The following FOXK2 variants were observed in gnomAD, a reference collection of about 807,000 sequenced individuals.
The protein encoded by FOXK2 is forkhead box K2.
Under a neutral mutation model 53.3 loss-of-function variants are expected in FOXK2, and 24 were observed. That is an observed-to-expected ratio of 0.45 (90% CI 0.33 to 0.63). FOXK2 has a LOEUF of 0.63. FOXK2 is among the 30% of genes least tolerant of loss of function. The pLI is 0.03. For synonymous variants in FOXK2, 505 were observed against 407.1 expected, an observed-to-expected ratio of 1.24 and a Z score of -2.89; for missense variants, 952 against 910.5, an observed-to-expected ratio of 1.05 and a Z score of -0.59.
intron 1 of FOXK2, among the ~76,000 whole-genome samples, chr17:82,533,177 T>C (rs916349290): frequency 6.6e-6 from 1 of 152,212 alleles, no homozygotes; most frequent in African/African-American, 2.4e-5. Context: ...AGAAGCAGTA[T>C]ACTCTAAATT....
chr17:82,520,244 A>G lies in FOXK2; in HGVS notation c.356A>G (p.Asn119Ser). The part of the protein sequence containing the change: ...GDFYLRCLGK[N>S]GVFVDGVFQR... ...TTCTACCTGCGCTGCTTGGGCAAGA[A>G]CGGGGTATTCGTGGACGGCGTGTTC... Residue 119 changes from asparagine to serine, a missense_variant, in exon 1 of 9, where the codon AAC becomes AGC. Physicochemically the swap from Asn to Ser is conservative, Grantham distance 46. This residue lies in a region of FOXK2 where 76 missense variants were observed against 128.2 expected (regional missense o/e 0.59). Coordinates refer to ENST00000335255, the MANE Select transcript of FOXK2 (RefSeq NM_004514.4). 7.7e-7 allele frequency: 1 copy of G among 1,300,230 alleles called. No homozygotes were observed. Among genetic ancestry groups the G allele is most frequent in the Non-Finnish European group, 9.8e-7 (1 of 1,023,342 alleles). 80.5% of individuals were successfully genotyped at this position (1,300,230 alleles called of 1,614,324 possible).
chr17:82,545,519 C>A (rs79721677), intron 1 of FOXK2, among the ~76,000 whole-genome samples: 2,278 of 150,874 alleles, frequency 0.015, 30 homozygotes, highest in Middle Eastern at 0.038. Context: ...TTATTTGGGG[C>A]TATTATGAAT....
chr17:82,553,959 G>A lies in FOXK2; in HGVS notation c.420-9395G>A, dbSNP rs191884698. Among the ~76,000 whole-genome samples the A allele has an allele frequency of 3.7e-3, 557 of 152,112 alleles. 1 individual carries two copies. Among genetic ancestry groups the A allele is most frequent in the Admixed American group, 6.7e-3 (102 of 15,256 alleles). ...TGCCATTCTCCTGCCTCAGTCTCCC[G>A]AGTATTTGGGACTACAGGCGCCCAC... is the stretch of plus-strand genomic sequence containing the variant. On this transcript the variant is annotated intron_variant, in intron 1 of 8. Transcript: ENST00000335255.
rs185566587 is a variant in FOXK2 at position 82,537,250 on chromosome 17, A to G, written c.419+16943A>G. On this transcript the variant is annotated intron_variant, in intron 1 of 8. Coordinates refer to ENST00000335255, the MANE Select transcript of FOXK2 (RefSeq NM_004514.4). The stretch of plus-strand genomic sequence containing the variant: ...TTGACTGAATTGGTATGATGCTTAT[A>G]GTCTTTCTTAAATGATTAAAGTTTA... Among the ~76,000 whole-genome samples, 11 of 152,318 alleles carry G rather than the reference A, an allele frequency of 7.2e-5. No homozygotes were observed. In the East Asian group the frequency reaches 1.9e-3, roughly 27 times the overall value.
chr17:82,544,623 T>G (rs1029192349), intron 1 of FOXK2, among the ~76,000 whole-genome samples: 2 of 152,214 alleles, frequency 1.3e-5, no homozygotes, highest in Non-Finnish European at 2.9e-5. Flanking sequence ...AGGGTATAAT[T>G]AGTTCTTTCT....
intron 1 of FOXK2, among the ~76,000 whole-genome samples, chr17:82,522,770 A>G (rs2044376725): frequency 2.0e-5 from 3 of 152,070 alleles, no homozygotes. Context: ...CATGGAGATA[A>G]GTTGACCTTT....
intron 8 of FOXK2, chr17:82,593,625 A>T (rs1215840407): frequency 6.6e-6 from 1 of 152,434 alleles, no homozygotes; most frequent in Non-Finnish European, 1.5e-5. Context: ...GGACCCTTGC[A>T]GAGGGAGCAG....
rs79666141 is a variant in FOXK2, at chr17:82,544,743, C to T, written c.420-18611C>T. The stretch of plus-strand genomic sequence containing the variant: ...TTGTGGACCTTTATGGGGCATAGAG[C>T]GACTCCAGGCAAGTCGCTGTGGGAG... On this transcript the variant is annotated intron_variant, in intron 1 of 8. Coordinates refer to ENST00000335255, the MANE Select transcript of FOXK2 (RefSeq NM_004514.4). 1.1e-4 allele frequency among the ~76,000 whole-genome samples: 17 copies of T among 152,172 alleles called. No individual in the cohort carries two copies. The East Asian group carries it at 2.7e-3, about 24-fold the overall frequency.
intron 1 of FOXK2, among the ~76,000 whole-genome samples, chr17:82,554,373 G>A (rs574400960): frequency 2.0e-5 from 3 of 152,280 alleles, no homozygotes; most frequent in Middle Eastern, 3.4e-3. Flanking sequence ...TCGTGAGTCT[G>A]TTAATTCATA....
chr17:82,558,872 G>A (rs781021944), intron 1 of FOXK2, among the ~76,000 whole-genome samples: 11 of 151,834 alleles, frequency 7.2e-5, no homozygotes, highest in Non-Finnish European at 1.3e-4. Flanking sequence ...TCAGCCTCCC[G>A]AGTAGCTGGG....
chr17:82,601,507 G>A lies in FOXK2; in HGVS notation c.*8G>A. On this transcript the variant is annotated 3_prime_UTR_variant, in exon 9 of 9. Transcript: ENST00000335255. ...AAGGGTGTCCAGAACTAGCGACCGG[G>A]AGAGCTTTTCTTTAACGATATCAAC... 3 of 1,593,686 alleles carry A rather than the reference G, an allele frequency of 1.9e-6. No individual in the cohort carries two copies. The highest frequency in any genetic ancestry group is 2.6e-6 in the Non-Finnish European group (3 of 1,167,888).
intron 1 of FOXK2, among the ~76,000 whole-genome samples, chr17:82,544,205 G>A (rs1351032090): frequency 2.0e-5 from 3 of 152,134 alleles, no homozygotes; most frequent in Non-Finnish European, 2.9e-5. Flanking sequence ...GAGCCACTGC[G>A]CCCGGCCAAG....
rs766118578 is a variant in FOXK2, at chr17:82,587,243, C to G, written c.1757C>G (p.Pro586Arg). Reference protein sequence around the residue: ...TQNGTHVASVPTAVHGQVNNA... With the variant: ...TQNGTHVASVRTAVHGQVNNA... ...AACGGCACTCACGTGGCATCAGTCC[C>G]CACTGCGGTCCACGGCCAGGTGAAC... The change falls in exon 8 of 9, where the codon CCC becomes CGC. Residue 586 changes from proline to arginine, a missense_variant. By Grantham distance (103) the Pro-to-Arg change is moderately radical (BLOSUM62 -2). Transcript: ENST00000335255. The G allele has an allele frequency of 6.2e-7, 1 of 1,612,946 alleles. No homozygotes were observed. Among genetic ancestry groups the G allele is most frequent in the South Asian group, 1.1e-5 (1 of 91,074 alleles).
At chr17:82,563,022 G>C (rs944262287) in intron 1 of FOXK2, among the ~76,000 whole-genome samples, 2 of 152,034 alleles carry the variant, frequency 1.3e-5, no homozygotes, top group African/African-American at 4.8e-5. Context: ...GCCCAGGCTG[G>C]TCTTGACCTC....
intron 1 of FOXK2, chr17:82,559,623 C>G (rs759653609): frequency 5.0e-6 from 2 of 399,870 alleles, no homozygotes; most frequent in African/African-American, 2.0e-5. Flanking sequence ...GGCTGGTCTT[C>G]CTTGTTGTCC....
intron 1 of FOXK2, among the ~76,000 whole-genome samples, chr17:82,553,982 C>T (rs915578982): frequency 2.6e-5 from 4 of 152,108 alleles, no homozygotes; most frequent in African/African-American, 9.7e-5. Context: ...TACAGGCGCC[C>T]ACCACCACGC....
intron 1 of FOXK2, among the ~76,000 whole-genome samples, chr17:82,552,823 G>A (rs1012139354): frequency 6.6e-6 from 1 of 152,190 alleles, no homozygotes; most frequent in Admixed American, 6.5e-5. Context: ...AGTGACCTCT[G>A]CAGCCACTCT....
In FOXK2 at chr17:82,520,095, G is replaced by T. The variant is rs751262330; in HGVS notation, c.207G>T (p.Met69Ile). The T allele has an allele frequency of 9.7e-6, 15 of 1,544,692 alleles. No individual in the cohort carries two copies. Among genetic ancestry groups the T allele is most frequent in the Admixed American group, 1.9e-5 (1 of 52,794 alleles). ...NSSQGSVDVS[M>I]GHSSFISRRH... ...CGCAGGGCTCGGTGGACGTGAGCAT[G>T]GGCCACTCGAGCTTCATCTCCCGGC... is the stretch of plus-strand genomic sequence containing the variant. The change falls in exon 1 of 9, where the codon ATG (methionine) becomes ATT (isoleucine). Residue 69 changes from methionine to isoleucine, a missense_variant. This residue lies in a region of FOXK2 where 163 missense variants were observed against 165.5 expected (regional missense o/e 0.98). Coordinates refer to ENST00000335255, the MANE Select transcript of FOXK2 (RefSeq NM_004514.4).
At chr17:82,536,093 G>A (rs1219034402) in intron 1 of FOXK2, among the ~76,000 whole-genome samples, 1 of 152,012 alleles carries the variant, frequency 6.6e-6, no homozygotes, top group Non-Finnish European at 1.5e-5. Context: ...GGCCAGGCTG[G>A]TCTCAAACTC....
Sources: gnomAD v4.1 joint callset for allele counts (sites outside exome capture counted in the v4.1 genomes callset) on GRCh38, gnomAD v4.1.1 for gene constraint, gnomAD v4.1.1 regional missense constraint, MANE v1.5 for transcripts, NCBI Gene and HGNC (gene_info 2026-07-23, HGNC 2026-07-21) for gene names.